Variants in COL25A1 observed in about 807,000 individuals in gnomAD.
COL25A1 encodes collagen alpha-1(XXV) chain.
COL25A1 carries 103 observed loss-of-function variants against 128.4 expected under a neutral mutation model. The ratio of observed to expected loss-of-function variants is 0.80; its 90% CI spans 0.68 to 0.94. The LOEUF (loss-of-function observed/expected upper bound fraction) is 0.94, where lower values mean the gene tolerates loss of function less well. Among genes scored for constraint, COL25A1 ranks in the 40% least tolerant of loss-of-function variants. The probability of loss-of-function intolerance (pLI) is 0.00; values close to 1 mark genes in which losing one functional copy is unlikely to be tolerated. For synonymous variants in COL25A1, 279 were observed against 277.2 expected (o/e 1.01, Z -0.06); for missense variants, 745 against 840.0 (o/e 0.89, Z 1.40).
intron 20 of COL25A1, among the ~76,000 whole-genome samples, chr4:108,866,495 C>G (rs1243595622): frequency 6.6e-6 from 1 of 152,170 alleles, no homozygotes; most frequent in Non-Finnish European, 1.5e-5. Flanking sequence ...GCCCAGGCCC[C>G]TCCCCCTATT....
chr4:109,270,647 C>T (rs1178298536), intron 3 of COL25A1, among the ~76,000 whole-genome samples: 1 of 152,124 alleles, frequency 6.6e-6, no homozygotes, highest in African/African-American at 2.4e-5. Flanking sequence ...TCTTGAGTTC[C>T]TCAGTTACTC....
At position 109,199,708 on chromosome 4, in the gene COL25A1, G is replaced by C. The variant is rs148051286; in HGVS notation, c.367+100875C>G. Among the ~76,000 whole-genome samples the C allele has an allele frequency of 7.1e-3, 1,076 of 152,238 alleles. 16 individuals carry two copies. The highest frequency in any genetic ancestry group is 0.024 in the African/African-American group (989 of 41,540). ...CTCCTTCCTAGCATGGGTTAGGATT[G>C]TATTTCCCTAGCCCTTGGAAGCCAG... On this transcript the variant is annotated intron_variant, in intron 3 of 37. Transcript: ENST00000399132.
rs371981938 is a variant in COL25A1 at position 108,999,129 on chromosome 4, C to G, written c.438+11229G>C. Among the ~76,000 whole-genome samples the G allele has an allele frequency of 3.2e-4, 49 of 152,178 alleles. No homozygotes were observed. The South Asian group carries it at 9.9e-3, about 31-fold the overall frequency. On this transcript the variant is annotated intron_variant, in intron 6 of 37. Transcript: ENST00000399132. Reference sequence around the variant, plus strand: ...AATTGACAAATGGGATCTAATTAAACTAAAGAGCTTCTGCACAGCAAAAGA... The same window carrying G: ...AATTGACAAATGGGATCTAATTAAAGTAAAGAGCTTCTGCACAGCAAAAGA...
intron 13 of COL25A1, among the ~76,000 whole-genome samples, chr4:108,907,056 G>C (rs1044648957): frequency 1.3e-5 from 2 of 152,158 alleles, no homozygotes; most frequent in African/African-American, 4.8e-5. Flanking sequence ...AAGGGAGCAA[G>C]GAAAAGATGG....
intron 8 of COL25A1, among the ~76,000 whole-genome samples, chr4:108,946,058 T>C (rs542974771): frequency 6.6e-6 from 1 of 152,288 alleles, no homozygotes; most frequent in African/African-American, 2.4e-5. Flanking sequence ...TATATAAAAC[T>C]TATTTTTTTC....
chr4:108,944,310 T>C (rs1748476615), intron 8 of COL25A1, among the ~76,000 whole-genome samples: 1 of 152,204 alleles, frequency 6.6e-6, no homozygotes, highest in African/African-American at 2.4e-5. Context: ...AACAGATGTA[T>C]ACAATTTGCT....
chr4:108,888,537 C>T (rs2125843011), intron 18 of COL25A1, among the ~76,000 whole-genome samples: 1 of 152,264 alleles, frequency 6.6e-6, no homozygotes, highest in Admixed American at 6.5e-5. Context: ...TTTCCTGTTT[C>T]AGACTCAAAT....
chr4:109,115,315 T>G (rs1268292620), intron 3 of COL25A1, among the ~76,000 whole-genome samples: 2 of 152,096 alleles, frequency 1.3e-5, no homozygotes, highest in Non-Finnish European at 1.5e-5. Context: ...ATAGGATTAA[T>G]GCATCTTAAA....
intron 6 of COL25A1, among the ~76,000 whole-genome samples, chr4:109,000,488 G>T (rs1317305729): frequency 6.6e-6 from 1 of 152,168 alleles, no homozygotes; most frequent in Non-Finnish European, 1.5e-5. Flanking sequence ...GCTCATGCCT[G>T]TAATCCCAGC....
chr4:108,892,383 T>C (rs139609601), intron 16 of COL25A1, among the ~76,000 whole-genome samples: 2 of 152,354 alleles, frequency 1.3e-5, no homozygotes, highest in Non-Finnish European at 2.9e-5. Context: ...CAGATAATTA[T>C]ATGTGTGTGT....
chr4:109,148,372 C>T (rs529506023), intron 3 of COL25A1, among the ~76,000 whole-genome samples: 38 of 152,178 alleles, frequency 2.5e-4, no homozygotes, highest in Admixed American at 3.9e-4. Context: ...CCAAGGGTTA[C>T]CTAACATGCA....
chr4:108,905,850 C>CG (rs1158394651), intron 13 of COL25A1, among the ~76,000 whole-genome samples: 4,161 of 123,890 alleles, frequency 0.034, 98 homozygotes, highest in African/African-American at 0.093. Flanking sequence ...AGCAGTATGT[C>CG]GGGGGGGGGT....
At chr4:109,089,540 A>C (rs1764714152) in intron 3 of COL25A1, among the ~76,000 whole-genome samples, 1 of 152,228 alleles carries the variant, frequency 6.6e-6, no homozygotes, top group African/African-American at 2.4e-5. Context: ...ATTACAAATT[A>C]TGAGATCAGA....
At chr4:109,107,000 C>T (rs971522757) in intron 3 of COL25A1, among the ~76,000 whole-genome samples, 2 of 152,206 alleles carry the variant, frequency 1.3e-5, no homozygotes, top group East Asian at 3.9e-4. Flanking sequence ...AACTCCTGGG[C>T]TCAAGCAACT....
chr4:109,134,546 T>C (rs1356099125), intron 3 of COL25A1, among the ~76,000 whole-genome samples: 3 of 152,124 alleles, frequency 2.0e-5, no homozygotes, highest in African/African-American at 7.2e-5. Flanking sequence ...GTCACTAACA[T>C]TGTAACCCAT....
intron 17 of COL25A1, 146 bp downstream of exon 17, chr4:108,889,555 C>T: frequency 1.4e-6 from 1 of 714,472 alleles, no homozygotes; most frequent in Non-Finnish European, 2.4e-6. Context: ...CAGATATTCC[C>T]TATTGTTTTT....
At chr4:108,974,272 G>T in intron 8 of COL25A1, 95 bp downstream of exon 8, 1 of 1,303,884 alleles carries the variant, frequency 7.7e-7, no homozygotes, top group Non-Finnish European at 1.1e-6. Context: ...TGAACCATGT[G>T]GCACAAAGGC....
intron 3 of COL25A1, among the ~76,000 whole-genome samples, chr4:109,092,266 A>G (rs555595448): frequency 6.6e-6 from 1 of 152,364 alleles, no homozygotes; most frequent in South Asian, 2.1e-4. Context: ...GCTTAAGGCC[A>G]GGAATTCAAG....
intron 3 of COL25A1, among the ~76,000 whole-genome samples, chr4:109,212,681 G>A (rs537628184): frequency 3.3e-5 from 5 of 152,236 alleles, no homozygotes; most frequent in Non-Finnish European, 5.9e-5. Flanking sequence ...AAGGAAGGGG[G>A]AAAAGTAGTA....
Sources: allele counts gnomAD v4.1 joint callset (sites outside exome capture counted in the v4.1 genomes callset), GRCh38; gene constraint gnomAD v4.1.1; transcripts MANE v1.5; gene names NCBI Gene and HGNC (gene_info 2026-07-23, HGNC 2026-07-21).